PPP1R9A: variants seen among roughly 807,000 people sequenced by gnomAD.
PPP1R9A encodes the protein protein phosphatase 1 regulatory subunit 9A.
PPP1R9A carries 59 observed loss-of-function variants against 141.9 expected under a neutral mutation model. That is an observed-to-expected ratio of 0.42 (90% CI 0.34 to 0.52). PPP1R9A has a LOEUF of 0.52. PPP1R9A is among the 20% of genes least tolerant of loss of function. PPP1R9A has a pLI of 0.10. For synonymous variants in PPP1R9A, 500 were observed against 569.7 expected (o/e 0.88, Z 1.74); for missense variants, 1,444 against 1,611.9 (o/e 0.90, Z 1.78).
chr7:94,983,446 T>A (rs1466935071), intron 2 of PPP1R9A, among the ~76,000 whole-genome samples: 1 of 152,166 alleles, frequency 6.6e-6, no homozygotes, highest in Admixed American at 6.5e-5. Context: ...ATGATACTGA[T>A]TCTTCCTATC....
At chr7:94,929,496 T>A (rs1307639697) in intron 2 of PPP1R9A, among the ~76,000 whole-genome samples, 1 of 152,184 alleles carries the variant, frequency 6.6e-6, no homozygotes, top group Non-Finnish European at 1.5e-5. Context: ...AAAAATGCTG[T>A]CTTTTGCAGA....
chr7:94,957,661 G>T (rs927480171), intron 2 of PPP1R9A, among the ~76,000 whole-genome samples: 1 of 151,990 alleles, frequency 6.6e-6, no homozygotes, highest in Non-Finnish European at 1.5e-5. Flanking sequence ...ACAAAAGAAA[G>T]AATCTGTATT....
At chr7:94,955,586 G>A (rs1204702288) in intron 2 of PPP1R9A, among the ~76,000 whole-genome samples, 1 of 152,076 alleles carries the variant, frequency 6.6e-6, no homozygotes, top group Non-Finnish European at 1.5e-5. Context: ...TCCCTTAACT[G>A]TCTGGGCACT....
At chr7:95,095,967 T>C (rs1225593133) in intron 2 of PPP1R9A, among the ~76,000 whole-genome samples, 3 of 152,216 alleles carry the variant, frequency 2.0e-5, no homozygotes, top group Non-Finnish European at 4.4e-5. Context: ...ATTAAAATTT[T>C]TGGTTGTACT....
chr7:95,274,075 A>G lies in PPP1R9A; in HGVS notation c.3213-10A>G, dbSNP rs373464095. 1.8e-5 allele frequency: 28 copies of G among 1,555,908 alleles called. No individual in the cohort carries two copies. In the African/African-American group the frequency reaches 2.3e-4, roughly 13 times the overall value. On this transcript the variant is annotated splice_polypyrimidine_tract_variant and intron_variant, in intron 15 of 19. Coordinates refer to ENST00000433360, the MANE Select transcript of PPP1R9A (RefSeq NM_001166160.2). ...AGCTTCCCCTTTCTGACTGCTTACTATCATTACAGGGCGCCTTTGCGAAGG... is the reference window on the plus strand; with the variant it reads ...AGCTTCCCCTTTCTGACTGCTTACTGTCATTACAGGGCGCCTTTGCGAAGG...
chr7:95,062,421 T>A (rs1216254187), intron 2 of PPP1R9A, among the ~76,000 whole-genome samples: 1 of 150,200 alleles, frequency 6.7e-6, no homozygotes, highest in Non-Finnish European at 1.5e-5. Context: ...TTAGGGAATT[T>A]TTTTTTTTTT....
intron 2 of PPP1R9A, among the ~76,000 whole-genome samples, chr7:95,011,851 T>G (rs774832180): frequency 1.3e-5 from 2 of 152,200 alleles, no homozygotes; most frequent in Non-Finnish European, 2.9e-5. Context: ...AAATAGGAAT[T>G]TAACATTATC....
At chr7:95,215,054 G>A (rs1227464064) in intron 7 of PPP1R9A, among the ~76,000 whole-genome samples, 1 of 151,870 alleles carries the variant, frequency 6.6e-6, no homozygotes, top group African/African-American at 2.4e-5. Context: ...CATGTGCCAT[G>A]TTGGTATGCT....
intron 2 of PPP1R9A, among the ~76,000 whole-genome samples, chr7:95,009,300 T>C (rs148811796): frequency 6.6e-6 from 1 of 152,050 alleles, no homozygotes; most frequent in Non-Finnish European, 1.5e-5. Flanking sequence ...TAAAGTATAA[T>C]GAAGAAAATA....
intron 2 of PPP1R9A, among the ~76,000 whole-genome samples, chr7:94,971,978 T>G (rs1798902618): frequency 6.6e-6 from 1 of 152,218 alleles, no homozygotes; most frequent in Admixed American, 6.5e-5. Flanking sequence ...ACTCTCCTTA[T>G]GCAATTTATT....
At chr7:95,042,902 A>G (rs576390783) in intron 2 of PPP1R9A, among the ~76,000 whole-genome samples, 2 of 144,816 alleles carry the variant, frequency 1.4e-5, no homozygotes, top group South Asian at 2.1e-4. Context: ...TGGTACATCT[A>G]AAAGTATATT....
In PPP1R9A at chr7:95,284,334, A is replaced by G. The variant is rs746233205; in HGVS notation, c.3609+4A>G. The G allele has an allele frequency of 2.1e-6, 3 of 1,455,266 alleles. No individual in the cohort carries two copies. The highest frequency in any genetic ancestry group is 1.2e-5 in the South Asian group (1 of 80,650). The allele number at this position is 1,455,266 out of a possible 1,614,324, so 90.1% of individuals were successfully genotyped here. A position where few individuals can be genotyped will look rare whatever the true frequency, so the allele number is the denominator to read the frequency against. On this transcript the variant is annotated splice_donor_region_variant and intron_variant, in intron 17 of 19. Coordinates refer to ENST00000433360, the MANE Select transcript of PPP1R9A (RefSeq NM_001166160.2). ...AGTCTGGATCCAAGAAACCAATGTA[A>G]TAACACTGCAATAAACAATGCATGG...
Position 95,207,062 on chromosome 7 carries a change from GA to G in PPP1R9A, c.1956+3342del, listed in dbSNP as rs528587083. ...CCTTAATTTATGTTACTTTTCAGAA[GA>G]AAAAAAAAAGCATATCTTTCCTTGG... is the stretch of plus-strand genomic sequence containing the variant. On this transcript the variant is annotated intron_variant, in intron 7 of 19. Coordinates refer to ENST00000433360, the MANE Select transcript of PPP1R9A (RefSeq NM_001166160.2). Among the ~76,000 whole-genome samples the G allele has an allele frequency of 3.2e-4, 46 of 142,286 alleles. 2 individuals are homozygous for G. Among genetic ancestry groups the G allele is most frequent in the South Asian group, 1.1e-3 (5 of 4,564 alleles). 93.3% of individuals were successfully genotyped at this position (142,286 alleles called of 152,430 possible).
At chr7:95,251,302 C>T (rs776550589) in intron 10 of PPP1R9A, among the ~76,000 whole-genome samples, 1 of 152,126 alleles carries the variant, frequency 6.6e-6, no homozygotes, top group Admixed American at 6.5e-5. Context: ...GTGCCCCTCT[C>T]GATGTTTCTG....
intron 2 of PPP1R9A, among the ~76,000 whole-genome samples, chr7:94,961,681 A>T (rs1797657862): frequency 6.6e-6 from 1 of 151,836 alleles, no homozygotes; most frequent in South Asian, 2.1e-4. Flanking sequence ...CCAAATTTGG[A>T]TACAAATGTC....
chr7:95,288,471 G>T, intron 18 of PPP1R9A, 65 bp from the exon 19 acceptor site: 1 of 1,545,812 alleles, frequency 6.5e-7, no homozygotes, highest in Non-Finnish European at 8.7e-7. Context: ...AATTCCTTTT[G>T]ATAGCATAAT....
intron 18 of PPP1R9A, among the ~76,000 whole-genome samples, chr7:95,286,672 A>T (rs1218062189): frequency 6.6e-6 from 1 of 151,766 alleles, no homozygotes; most frequent in Non-Finnish European, 1.5e-5. Flanking sequence ...AACCACACTC[A>T]CTCCAAGATT....
Position 95,251,834 on chromosome 7 carries a change from G to A in PPP1R9A, c.2469G>A (p.Val823=). 1 of 1,613,924 alleles carries A rather than the reference G, an allele frequency of 6.2e-7. No homozygotes were observed. The highest frequency in any genetic ancestry group is 8.5e-7 in the Non-Finnish European group (1 of 1,179,894). The change falls in exon 11 of 20, where the codon GTG becomes GTA. Residue 823 remains valine (V), a synonymous_variant. Coordinates refer to ENST00000433360, the MANE Select transcript of PPP1R9A (RefSeq NM_001166160.2). ...AAGATTTGGAAAAAGCTCATCTTGT[G>A]GAAGTGCAAGGCCTCCAAGTGCGGG... The part of the protein sequence containing the change: ...KIEDLEKAHL[V]EVQGLQVRIR...
At chr7:95,230,408 A>G (rs1795757789) in intron 8 of PPP1R9A, among the ~76,000 whole-genome samples, 1 of 152,160 alleles carries the variant, frequency 6.6e-6, no homozygotes, top group South Asian at 2.1e-4. Context: ...TAAAGACATC[A>G]AAAACATAAT....
Sources: gnomAD v4.1 joint callset for allele counts (sites outside exome capture counted in the v4.1 genomes callset) on GRCh38, gnomAD v4.1.1 for gene constraint, MANE v1.5 for transcripts, NCBI Gene and HGNC (gene_info 2026-07-23, HGNC 2026-07-21) for gene names.